The following CDC40 variants were observed in gnomAD, a reference collection of about 807,000 sequenced individuals.
CDC40 encodes the protein cell division cycle 40, also known as pre-mRNA-processing factor 17.
Under a neutral mutation model 80.6 loss-of-function variants are expected in CDC40, and 27 were observed. That is an observed-to-expected ratio of 0.33 (90% confidence interval 0.25 to 0.46). CDC40 has a LOEUF of 0.46. Ranked by LOEUF, CDC40 falls within the 20% of genes least tolerant of loss-of-function variation. The pLI is 1.00. For missense variants in CDC40, 486 were observed against 694.1 expected, an observed-to-expected ratio of 0.70 and a Z score of 3.37; for synonymous variants, 221 against 232.6, an observed-to-expected ratio of 0.95 and a Z score of 0.45.
intron 1 of CDC40, among the ~76,000 whole-genome samples, chr6:110,190,563 C>T (rs534087701): frequency 7.2e-5 from 11 of 152,232 alleles, no homozygotes; most frequent in African/African-American, 2.6e-4. Context: ...GTTTTGGACA[C>T]AGCATAGTGT....
chr6:110,218,578 A>G (rs920077983), intron 10 of CDC40, among the ~76,000 whole-genome samples: 1 of 152,174 alleles, frequency 6.6e-6, no homozygotes, highest in East Asian at 1.9e-4. Context: ...GCCAAAGCCC[A>G]TATTCTTCAG....
intron 2 of CDC40, chr6:110,199,081 A>G (rs1022787066): frequency 2.0e-5 from 3 of 152,212 alleles, no homozygotes; most frequent in Non-Finnish European, 4.4e-5. Flanking sequence ...CCTCCCACTG[A>G]TTCCTTGTAT....
intron 1 of CDC40, 88 bp from the exon 2 acceptor site, chr6:110,193,094 T>C (rs1235995003): frequency 1.3e-6 from 1 of 753,278 alleles, no homozygotes; most frequent in African/African-American, 1.8e-5. Flanking sequence ...AAATAGATGT[T>C]AAAGATGGCT....
chr6:110,213,415 A>G (rs1387956876), intron 8 of CDC40, among the ~76,000 whole-genome samples: 12 of 140,932 alleles, frequency 8.5e-5, no homozygotes, highest in Non-Finnish European at 1.8e-4. Flanking sequence ...TTTGAGATGG[A>G]GTCTTGCTGT....
intron 8 of CDC40, 27 bp downstream of exon 8, chr6:110,213,187 T>C (rs540517673): frequency 2.7e-5 from 37 of 1,365,054 alleles, no homozygotes; most frequent in Non-Finnish European, 3.8e-5. Context: ...AGAGTAGGAG[T>C]GCTGCAAAGC....
chr6:110,213,039 TG>T (rs781046042), intron 7 of CDC40, 46 bp from the exon 8 acceptor site: 10 of 1,233,158 alleles, frequency 8.1e-6, no homozygotes, highest in East Asian at 2.3e-5. Context: ...TCATTTGAGC[TG>T]ATCTTTTGAA....
chr6:110,207,623 C>A, intron 4 of CDC40, 34 bp downstream of exon 4: 1 of 1,047,218 alleles, frequency 9.5e-7, no homozygotes, highest in Non-Finnish European at 1.5e-6. Flanking sequence ...ATCATATATA[C>A]CTACACATCT....
intron 4 of CDC40, 22 bp from the exon 5 acceptor site, chr6:110,209,062 A>ATTTTTTTTTTTT: frequency 7.6e-7 from 1 of 1,319,052 alleles, no homozygotes. Context: ...TTTTTTTTTT[A>ATTTTTTTTTTTT]ATTTTTTTTT....
intron 3 of CDC40, among the ~76,000 whole-genome samples, chr6:110,204,523 A>G (rs1240674604): frequency 1.3e-5 from 2 of 151,978 alleles, no homozygotes; most frequent in Non-Finnish European, 2.9e-5. Context: ...ATTTTATACT[A>G]TTTTCTTAAA....
At chr6:110,217,076 C>T (rs1210652618) in intron 9 of CDC40, among the ~76,000 whole-genome samples, 1 of 152,140 alleles carries the variant, frequency 6.6e-6, no homozygotes, top group Non-Finnish European at 1.5e-5. Context: ...CACTGCACTT[C>T]AGGCTGGGCA....
Position 110,202,131 on chromosome 6 carries a change from G to A in CDC40, c.406+444G>A, listed in dbSNP as rs556982396. On this transcript the variant is annotated intron_variant, in intron 3 of 14. Coordinates refer to ENST00000307731, the MANE Select transcript of CDC40 (RefSeq NM_015891.3). ...TTGATCACTGAAGGGTATCAGGAAAGAGAATAGCGAAAAATTCATTATGTA... is the reference window on the plus strand; with the variant it reads ...TTGATCACTGAAGGGTATCAGGAAAAAGAATAGCGAAAAATTCATTATGTA... Among the ~76,000 whole-genome samples the A allele has an allele frequency of 2.0e-5, 3 of 152,302 alleles. No individual in the cohort carries two copies. In the East Asian group the frequency reaches 5.8e-4, roughly 29 times the overall value.
At chr6:110,206,370 G>A (rs191320110) in intron 3 of CDC40, among the ~76,000 whole-genome samples, 42 of 152,154 alleles carry the variant, frequency 2.8e-4, no homozygotes, top group African/African-American at 7.9e-4. Flanking sequence ...TTCTATTATC[G>A]TACACATGAG....
intron 13 of CDC40, among the ~76,000 whole-genome samples, chr6:110,227,189 T>C (rs1341295862): frequency 6.6e-6 from 1 of 152,332 alleles, no homozygotes; most frequent in Non-Finnish European, 1.5e-5. Context: ...ACGTACAAGA[T>C]AATTTGTGCT....
intron 10 of CDC40, 52 bp from the exon 11 acceptor site, chr6:110,219,312 C>T: frequency 4.7e-6 from 4 of 842,370 alleles, no homozygotes; most frequent in Non-Finnish European, 7.9e-6. Context: ...TCACAGTCAT[C>T]TTTAAGTGGT....
intron 1 of CDC40, among the ~76,000 whole-genome samples, chr6:110,189,034 C>A (rs1484490993): frequency 6.6e-6 from 1 of 152,200 alleles, no homozygotes; most frequent in Non-Finnish European, 1.5e-5. Context: ...GACTGATACA[C>A]CTAGTTACTC....
At chr6:110,201,726 T>A (rs1260037360) in intron 3 of CDC40, 39 bp downstream of exon 3, 5 of 1,588,978 alleles carry the variant, frequency 3.1e-6, no homozygotes, top group Non-Finnish European at 4.3e-6. Context: ...ATTTTGGCTT[T>A]ATTAGAAGTG....
At chr6:110,185,186 TTC>T (rs1422282978) in intron 1 of CDC40, among the ~76,000 whole-genome samples, 1 of 152,062 alleles carries the variant, frequency 6.6e-6, no homozygotes, top group African/African-American at 2.4e-5. Context: ...CCCATGTAGT[TTC>T]TGTCACTTCT....
At chr6:110,219,505 A>G in intron 11 of CDC40, 26 bp downstream of exon 11, 2 of 1,298,560 alleles carry the variant, frequency 1.5e-6, no homozygotes, top group Non-Finnish European at 2.2e-6. Context: ...TATTTTGTTA[A>G]GACTCCTAAG....
At position 110,217,795 on chromosome 6, in the gene CDC40, C is replaced by A. The variant is rs144961629; in HGVS notation, c.1082C>A (p.Thr361Asn). 5.9e-6 allele frequency: 9 copies of A among 1,516,992 alleles called. No homozygotes were observed. The highest frequency in any genetic ancestry group is 8.2e-6 in the Non-Finnish European group (9 of 1,091,902). The allele number at this position is 1,516,992 out of a possible 1,614,324, so 94.0% of individuals were successfully genotyped here. Residue 361 changes from threonine (T) to asparagine (N), a missense_variant, in exon 10 of 15, where the codon ACT (threonine) becomes AAT (asparagine). Around this residue, in one of 3 missense-constraint regions of CDC40, gnomAD observed 381 missense variants for 492.1 expected, o/e 0.77. Transcript: ENST00000307731. Reference protein sequence around the residue: ...AYDRYLKLWDTETGQCISRFT... With the variant: ...AYDRYLKLWDNETGQCISRFT... ...GACAGGTATCTTAAGCTCTGGGACA[C>A]TGAGACAGGTAAGAGTTCACTTATG...
Sources: allele counts gnomAD v4.1 joint callset (sites outside exome capture counted in the v4.1 genomes callset), GRCh38; gene constraint gnomAD v4.1.1; regional missense constraint gnomAD v4.1.1; transcripts MANE v1.5; gene names NCBI Gene and HGNC (gene_info 2026-07-23, HGNC 2026-07-21).